The following NRG3 variants were observed in gnomAD, a reference collection of about 807,000 sequenced individuals.
NRG3 encodes pro-neuregulin-3, membrane-bound isoform.
Under a neutral mutation model 66.9 loss-of-function variants are expected in NRG3, and 31 were observed. The observed-to-expected ratio is 0.46, with a 90% confidence interval of 0.35 to 0.63. The LOEUF (loss-of-function observed/expected upper bound fraction) is 0.63, where lower values mean the gene tolerates loss of function less well. Ranked by LOEUF, NRG3 falls within the 20% of genes least tolerant of loss-of-function variation. NRG3 has a pLI of 0.00. For synonymous variants in NRG3, 393 were observed against 359.4 expected, an observed-to-expected ratio of 1.09 and a Z score of -1.06; for missense variants, 910 against 878.9, an observed-to-expected ratio of 1.04 and a Z score of -0.45.
chr10:82,495,811 GACACACACACAC>G (rs55671097), intron 2 of NRG3, among the ~76,000 whole-genome samples: 2 of 144,790 alleles, frequency 1.4e-5, no homozygotes, highest in Non-Finnish European at 3.0e-5. Flanking sequence ...TTAGAGTGCA[GACACACACACAC>G]ACACACACAC....
intron 2 of NRG3, among the ~76,000 whole-genome samples, chr10:82,476,382 G>A (rs1253007000): frequency 6.6e-6 from 1 of 152,086 alleles, no homozygotes; most frequent in African/African-American, 2.4e-5. Flanking sequence ...TGAAAGCAGG[G>A]ACTTCAAGAG....
At chr10:81,947,208 C>G (rs929488379) in intron 1 of NRG3, among the ~76,000 whole-genome samples, 1 of 152,130 alleles carries the variant, frequency 6.6e-6, no homozygotes, top group African/African-American at 2.4e-5. Context: ...ATGCCGTCTT[C>G]TCTCTATGCA....
chr10:82,975,511 A>C (rs931576784), intron 7 of NRG3, among the ~76,000 whole-genome samples: 2 of 152,160 alleles, frequency 1.3e-5, no homozygotes, highest in African/African-American at 4.8e-5. Flanking sequence ...GACATCTTTA[A>C]GAGACCTTCC....
At chr10:82,021,267 G>A (rs2062047085) in intron 1 of NRG3, among the ~76,000 whole-genome samples, 1 of 152,022 alleles carries the variant, frequency 6.6e-6, no homozygotes, top group Non-Finnish European at 1.5e-5. Context: ...AGGCTGCCTG[G>A]GACTGAGGGG....
At chr10:82,927,170 T>C (rs1377389353) in intron 4 of NRG3, among the ~76,000 whole-genome samples, 2 of 152,172 alleles carry the variant, frequency 1.3e-5, no homozygotes, top group African/African-American at 4.8e-5. Flanking sequence ...GCAGAGGCCT[T>C]GTCTCCTTGC....
intron 3 of NRG3, among the ~76,000 whole-genome samples, chr10:82,782,502 C>T (rs1425879960): frequency 6.6e-6 from 1 of 151,998 alleles, no homozygotes; most frequent in Non-Finnish European, 1.5e-5. Context: ...TATTCTGTTA[C>T]CTCAGCAAAA....
At chr10:82,295,052 G>A (rs1255639689) in intron 1 of NRG3, among the ~76,000 whole-genome samples, 1 of 148,784 alleles carries the variant, frequency 6.7e-6, no homozygotes, top group Non-Finnish European at 1.5e-5. Context: ...TGAGATTCAT[G>A]TGCTATTTGC....
intron 1 of NRG3, among the ~76,000 whole-genome samples, chr10:81,905,070 T>A (rs2132690534): frequency 6.6e-6 from 1 of 152,320 alleles, no homozygotes; most frequent in South Asian, 2.1e-4. Context: ...CGGCTTCATA[T>A]AATTCATGAA....
chr10:82,493,103 G>T (rs1843299523), intron 2 of NRG3, among the ~76,000 whole-genome samples: 1 of 151,838 alleles, frequency 6.6e-6, no homozygotes, highest in South Asian at 2.1e-4. Context: ...TTGATGTTCA[G>T]GTTTGTTTTT....
intron 1 of NRG3, among the ~76,000 whole-genome samples, chr10:82,055,789 G>C (rs755384088): frequency 6.6e-6 from 1 of 152,114 alleles, no homozygotes; most frequent in Admixed American, 6.6e-5. Flanking sequence ...ATCTTATGTC[G>C]ATGAGAAGGG....
chr10:82,453,658 G>C (rs189492414), intron 2 of NRG3, among the ~76,000 whole-genome samples: 3 of 150,968 alleles, frequency 2.0e-5, no homozygotes. Context: ...ATCATGCACA[G>C]GTTAAAAGCC....
chr10:82,190,845 G>C (rs186557030), intron 1 of NRG3, among the ~76,000 whole-genome samples: 5 of 152,114 alleles, frequency 3.3e-5, no homozygotes, highest in African/African-American at 1.2e-4. Flanking sequence ...GCATTCCTCC[G>C]TATCTGTTTT....
intron 1 of NRG3, among the ~76,000 whole-genome samples, chr10:82,302,649 T>C (rs925109638): frequency 3.3e-5 from 5 of 152,144 alleles, no homozygotes; most frequent in Non-Finnish European, 7.4e-5. Context: ...TAAGTGAGGA[T>C]TATTTAACAA....
In NRG3 at chr10:82,935,534, G is replaced by A. The variant is rs533388961; in HGVS notation, c.1055-15935G>A. 6.6e-5 allele frequency among the ~76,000 whole-genome samples: 10 copies of A among 152,188 alleles called. No homozygotes were observed. In the South Asian group the frequency reaches 1.5e-3, roughly 22 times the overall value. ...ACCTATGAGCACTAACATAAACAAC[G>A]CCCATGACTTATTACAAGTTTTAGA... On this transcript the variant is annotated intron_variant, in intron 4 of 8. Coordinates refer to ENST00000372141, the MANE Select transcript of NRG3 (RefSeq NM_001010848.4).
intron 2 of NRG3, among the ~76,000 whole-genome samples, chr10:82,647,933 A>G (rs976963307): frequency 6.9e-6 from 1 of 144,578 alleles, no homozygotes; most frequent in African/African-American, 2.6e-5. Flanking sequence ...GGTTGCGAAA[A>G]TTTTCTCCCA....
intron 2 of NRG3, among the ~76,000 whole-genome samples, chr10:82,496,675 T>C (rs765079570): frequency 1.8e-4 from 27 of 152,200 alleles, no homozygotes; most frequent in Non-Finnish European, 3.5e-4. Flanking sequence ...TTACCTTAAA[T>C]ATCAAACACC....
intron 3 of NRG3, among the ~76,000 whole-genome samples, chr10:82,857,674 CT>C (rs1321443459): frequency 6.6e-6 from 1 of 152,168 alleles, no homozygotes; most frequent in African/African-American, 2.4e-5. Flanking sequence ...GCAGGAATTA[CT>C]TCTAAGAGAT....
At chr10:81,982,717 T>G (rs2060376481) in intron 1 of NRG3, among the ~76,000 whole-genome samples, 1 of 152,140 alleles carries the variant, frequency 6.6e-6, no homozygotes, top group Admixed American at 6.5e-5. Flanking sequence ...TTTCTTCTTC[T>G]TACAAGAACA....
chr10:82,406,842 A>C (rs778670398), intron 2 of NRG3, among the ~76,000 whole-genome samples: 20 of 152,102 alleles, frequency 1.3e-4, no homozygotes, highest in Non-Finnish European at 2.8e-4. Context: ...TCCAAAGACA[A>C]AATTGAATTA....
Sources: allele counts gnomAD v4.1 joint callset (sites outside exome capture counted in the v4.1 genomes callset), GRCh38; gene constraint gnomAD v4.1.1; transcripts MANE v1.5; gene names NCBI Gene and HGNC (gene_info 2026-07-23, HGNC 2026-07-21).